GABRR1: variants seen among roughly 807,000 people sequenced by gnomAD.
GABRR1 encodes the protein gamma-aminobutyric acid type A receptor subunit rho1.
A neutral mutation model predicts 55.5 loss-of-function variants in GABRR1; 59 were observed. The ratio of observed to expected loss-of-function variants is 1.06; its 90% CI spans 0.86 to 1.32. GABRR1 has a LOEUF of 1.32. Among genes scored for constraint, GABRR1 ranks in the 40% most tolerant of loss-of-function variants. The pLI is 0.00. For missense variants in GABRR1, 602 were observed against 619.1 expected (o/e 0.97, Z 0.29); for synonymous variants, 213 against 226.0 (o/e 0.94, Z 0.51).
chr6:89,178,813 G>A lies in GABRR1; in HGVS notation c.1397C>T (p.Ala466Val), dbSNP rs148487461. 23 of 1,613,898 alleles carry A rather than the reference G, an allele frequency of 1.4e-5. No individual in the cohort carries two copies. The African/African-American group carries it at 2.5e-4, about 18-fold the overall frequency. ...GTATATTAAATTGAATAAAATGTAT[G>A]CTGCTGGAAAGATGATCCTGGAGTA... ...DKYSRIIFPA[A>V]YILFNLIYWS... is the part of the protein sequence containing the mutation. Residue 466 changes from alanine to valine, a missense_variant, in exon 10 of 10, where the codon GCA becomes GTA. By Grantham distance (64) the Ala-to-Val change is moderately conservative. Around this residue, in one of 3 missense-constraint regions of GABRR1, gnomAD observed 139 missense variants for 141.1 expected, o/e 0.99. Coordinates refer to ENST00000454853, the MANE Select transcript of GABRR1 (RefSeq NM_002042.5).
intron 3 of GABRR1, 48 bp downstream of exon 3, chr6:89,201,111 A>C: frequency 7.1e-7 from 1 of 1,407,012 alleles, no homozygotes; most frequent in Non-Finnish European, 1.0e-6. Flanking sequence ...CTGCCCACAG[A>C]CAGAGGACCA....
chr6:89,208,738 T>C (rs1298225998), intron 1 of GABRR1, among the ~76,000 whole-genome samples: 3 of 152,220 alleles, frequency 2.0e-5, no homozygotes, highest in Non-Finnish European at 4.4e-5. Context: ...CCCCCACAAA[T>C]GTGTGATCCA....
chr6:89,190,248 C>A lies in GABRR1; in HGVS notation c.573-1G>T, dbSNP rs754315511. On this transcript the variant is annotated splice_acceptor_variant, in intron 5 of 9. Coordinates refer to ENST00000454853, the MANE Select transcript of GABRR1 (RefSeq NM_002042.5). LOFTEE classifies it high-confidence loss of function. ...GTTGCACATTGCAGTTACTGTAACC[C>A]TAGGGCCAAAAAGACAAAATTGATT... is the stretch of plus-strand genomic sequence containing the variant. The A allele has an allele frequency of 1.9e-6, 3 of 1,598,458 alleles. No individual in the cohort carries two copies. The African/African-American group carries it at 4.0e-5, about 22-fold the overall frequency.
chr6:89,198,962 G>A (rs545678878), intron 4 of GABRR1, among the ~76,000 whole-genome samples: 7 of 151,248 alleles, frequency 4.6e-5, no homozygotes, highest in African/African-American at 7.3e-5. Context: ...TATCTGAACC[G>A]ACCAAAAAGG....
In GABRR1 at chr6:89,212,345, T is replaced by C. The variant is rs1236723584; in HGVS notation, c.122+4856A>G. On this transcript the variant is annotated intron_variant, in intron 1 of 9. Coordinates refer to ENST00000454853, the MANE Select transcript of GABRR1 (RefSeq NM_002042.5). ...CTTACCTGGCCTCAGACTCTGGTCATAGACTCTGGATTACTTTCTCTGTTT... is the reference window on the plus strand; with the variant it reads ...CTTACCTGGCCTCAGACTCTGGTCACAGACTCTGGATTACTTTCTCTGTTT... Among the ~76,000 whole-genome samples the C allele has an allele frequency of 5.5e-5, 5 of 90,534 alleles. 2 individuals carry two copies. The highest frequency in any genetic ancestry group is 1.1e-4 in the African/African-American group (3 of 26,208). 59.4% of individuals were successfully genotyped at this position (90,534 alleles called of 152,430 possible). A position where few individuals can be genotyped will look rare whatever the true frequency, so the allele number is the denominator to read the frequency against.
chr6:89,182,174 A>C (rs138224061), intron 7 of GABRR1, 117 bp from the exon 8 acceptor site: 1 of 939,678 alleles, frequency 1.1e-6, no homozygotes, highest in African/African-American at 1.6e-5. Flanking sequence ...ATGTCTTTAT[A>C]AGGTGAAATT....
intron 3 of GABRR1, 58 bp from the exon 4 acceptor site, chr6:89,199,487 G>T: frequency 6.6e-7 from 1 of 1,522,052 alleles, no homozygotes; most frequent in Non-Finnish European, 9.1e-7. Context: ...TTACTATGGA[G>T]GAAATAGGCA....
intron 1 of GABRR1, among the ~76,000 whole-genome samples, chr6:89,208,641 C>T (rs558075155): frequency 6.6e-6 from 1 of 152,374 alleles, no homozygotes; most frequent in Admixed American, 6.5e-5. Flanking sequence ...TGCTTCCAGA[C>T]TGCCTTCCTA....
intron 6 of GABRR1, among the ~76,000 whole-genome samples, chr6:89,186,736 A>G (rs1205671018): frequency 6.6e-6 from 1 of 152,222 alleles, no homozygotes; most frequent in Non-Finnish European, 1.5e-5. Flanking sequence ...CCTCCTTTGT[A>G]TAATGATAAT....
At chr6:89,200,673 T>C (rs902225307) in intron 3 of GABRR1, among the ~76,000 whole-genome samples, 3 of 152,244 alleles carry the variant, frequency 2.0e-5, no homozygotes, top group Middle Eastern at 3.4e-3. Context: ...CTAAGCTTCA[T>C]AGGGCTTTGC....
chr6:89,223,160 T>C (rs940356971), intron 1 of GABRR1, among the ~76,000 whole-genome samples: 3 of 152,062 alleles, frequency 2.0e-5, no homozygotes, highest in African/African-American at 4.8e-5. Context: ...CCAAACAATA[T>C]ATACTGAACC....
At chr6:89,213,100 T>C (rs1233973220) in intron 1 of GABRR1, among the ~76,000 whole-genome samples, 1 of 152,150 alleles carries the variant, frequency 6.6e-6, no homozygotes, top group Non-Finnish European at 1.5e-5. Context: ...AAAACATGAA[T>C]TATTTCCTGG....
chr6:89,220,065 G>T (rs1030601433), upstream of GABRR1, among the ~76,000 whole-genome samples: 2 of 152,192 alleles, frequency 1.3e-5, no homozygotes, highest in African/African-American at 2.4e-5. Flanking sequence ...ATTGTCTAAA[G>T]GGAGATATTC....
intron 5 of GABRR1, among the ~76,000 whole-genome samples, chr6:89,196,884 G>GAAAGAAAGA (rs1562296986): frequency 1.8e-5 from 2 of 108,566 alleles, no homozygotes; most frequent in African/African-American, 6.2e-5. Context: ...AGAAAGAGAA[G>GAAAGAAAGA]AGAAGAAAAA....
chr6:89,178,478 C>A lies in GABRR1; in HGVS notation c.*292G>T. ...GGTGGAACTAAATGTGCCCACAACACTGGTAGTGTGCTTTTCCAGGGGATC... is the reference window on the plus strand; with the variant it reads ...GGTGGAACTAAATGTGCCCACAACAATGGTAGTGTGCTTTTCCAGGGGATC... On this transcript the variant is annotated 3_prime_UTR_variant, in exon 10 of 10. Transcript: ENST00000454853. 2.4e-6 allele frequency: 1 copy of A among 416,044 alleles called. No homozygotes were observed. 25.8% of individuals were successfully genotyped at this position (416,044 alleles called of 1,614,324 possible).
intron 1 of GABRR1, chr6:89,204,788 G>A (rs138788906): frequency 5.9e-6 from 3 of 506,104 alleles, no homozygotes; most frequent in African/African-American, 4.1e-5. Context: ...ACATGCCCAT[G>A]TAAAAAAATT....
chr6:89,189,980 A>C (rs1772033912), intron 6 of GABRR1, among the ~76,000 whole-genome samples, 185 bp downstream of exon 6: 2 of 151,916 alleles, frequency 1.3e-5, no homozygotes, highest in African/African-American at 4.8e-5. Context: ...TGGGAGGCAG[A>C]GGTTGCAGTG....
At chr6:89,189,919 G>T (rs1354567968) in intron 6 of GABRR1, among the ~76,000 whole-genome samples, 1 of 152,096 alleles carries the variant, frequency 6.6e-6, no homozygotes, top group Non-Finnish European at 1.5e-5. Flanking sequence ...GGTGGCAGGT[G>T]CCTGTAATCC....
chr6:89,188,461 G>A (rs1771981821), intron 6 of GABRR1, among the ~76,000 whole-genome samples: 1 of 152,190 alleles, frequency 6.6e-6, no homozygotes, highest in African/African-American at 2.4e-5. Flanking sequence ...ATTCATCCCA[G>A]TAAGTGTAAC....
Sources: gnomAD v4.1 joint callset for allele counts (sites outside exome capture counted in the v4.1 genomes callset) on GRCh38, gnomAD v4.1.1 for gene constraint, gnomAD v4.1.1 regional missense constraint, MANE v1.5 for transcripts, NCBI Gene and HGNC (gene_info 2026-07-23, HGNC 2026-07-21) for gene names.